The following OPCML variants were observed in gnomAD, a reference collection of about 807,000 sequenced individuals.
The protein encoded by OPCML is opioid-binding protein/cell adhesion molecule.
Under a neutral mutation model 37.8 loss-of-function variants are expected in OPCML, and 13 were observed. The observed-to-expected ratio is 0.34, with a 90% CI of 0.22 to 0.55. The LOEUF (loss-of-function observed/expected upper bound fraction) is 0.55, where lower values mean the gene tolerates loss of function less well. OPCML is among the 20% of genes least tolerant of loss of function. The pLI is 0.91. For missense variants in OPCML, 341 were observed against 435.6 expected, an observed-to-expected ratio of 0.78 and a Z score of 1.93; for synonymous variants, 176 against 168.8, an observed-to-expected ratio of 1.04 and a Z score of -0.33.
intron 2 of OPCML, among the ~76,000 whole-genome samples, chr11:132,773,828 T>C (rs994405697): frequency 3.3e-5 from 5 of 152,160 alleles, no homozygotes; most frequent in East Asian, 3.8e-4. Flanking sequence ...TTTCTGCATG[T>C]CCCACAATGG....
chr11:132,642,591 A>G (rs1940914617), intron 3 of OPCML, among the ~76,000 whole-genome samples: 1 of 152,330 alleles, frequency 6.6e-6, no homozygotes, highest in Non-Finnish European at 1.5e-5. Flanking sequence ...AAAGTTGCTG[A>G]ACCACCCTGG....
At position 132,868,876 on chromosome 11, in the gene OPCML, G is replaced by C. The variant is rs139764757; in HGVS notation, c.146+74050C>G. Among the ~76,000 whole-genome samples, 1,270 of 152,288 alleles carry C rather than the reference G, an allele frequency of 8.3e-3. 9 individuals are homozygous for C. Among genetic ancestry groups the C allele is most frequent in the Non-Finnish European group, 0.012 (807 of 68,032 alleles). ...TGCATGTGTCCATGCACAAGTGTGT[G>C]TGCTTGTGTATGCATACGTGAGTGC... On this transcript the variant is annotated intron_variant, in intron 2 of 7. Coordinates refer to ENST00000524381, the MANE Select transcript of OPCML (RefSeq NM_001012393.5).
chr11:132,628,117 C>T (rs1185140462), intron 3 of OPCML, among the ~76,000 whole-genome samples: 4 of 151,904 alleles, frequency 2.6e-5, no homozygotes, highest in African/African-American at 7.3e-5. Context: ...TGCAGAATTG[C>T]TGAGAGAGGA....
At chr11:133,008,259 T>G (rs1008229551) in intron 1 of OPCML, 3 of 985,400 alleles carry the variant, frequency 3.0e-6, no homozygotes, top group Non-Finnish European at 3.6e-6. Flanking sequence ...AGCAAGAAAT[T>G]GGGTGAATCA....
rs1261892789 is a variant in OPCML, at chr11:132,416,070, C to G, written c.*4123G>C. On this transcript the variant is annotated 3_prime_UTR_variant, in exon 8 of 8. Coordinates refer to ENST00000524381, the MANE Select transcript of OPCML (RefSeq NM_001012393.5). ...TATAAGAGTTTCCAAGATAAGGTCA[C>G]GTGCAAAATGAAAACAAAAGATTCT... The G allele has an allele frequency of 6.6e-6, 1 of 152,414 alleles. No homozygotes were observed. Among genetic ancestry groups the G allele is most frequent in the African/African-American group, 2.4e-5 (1 of 41,398 alleles). The allele number at this position is 152,414 out of a possible 1,614,324, so 9.4% of individuals were successfully genotyped here. A position where few individuals can be genotyped will look rare whatever the true frequency, so the allele number is the denominator to read the frequency against.
chr11:133,353,624 T>C (rs1211267474), intron 1 of OPCML, among the ~76,000 whole-genome samples: 1 of 152,162 alleles, frequency 6.6e-6, no homozygotes, highest in Non-Finnish European at 1.5e-5. Context: ...TCTAAGGAAA[T>C]CAGTAAGCTC....
chr11:133,013,586 C>T (rs1198568323), intron 1 of OPCML, among the ~76,000 whole-genome samples: 1 of 152,212 alleles, frequency 6.6e-6, no homozygotes. Flanking sequence ...AACCTCTCTT[C>T]TACCACTCTG....
At chr11:132,803,027 A>G (rs1472017716) in intron 2 of OPCML, among the ~76,000 whole-genome samples, 2 of 152,096 alleles carry the variant, frequency 1.3e-5, no homozygotes, top group Admixed American at 1.3e-4. Context: ...ACAAGCTCCC[A>G]CTCTAACAAG....
intron 4 of OPCML, among the ~76,000 whole-genome samples, chr11:132,458,749 T>G (rs564074934): frequency 1.3e-5 from 2 of 152,182 alleles, no homozygotes; most frequent in Admixed American, 6.5e-5. Context: ...AAAGACAGTT[T>G]TGACATTTTG....
intron 2 of OPCML, among the ~76,000 whole-genome samples, chr11:132,908,178 C>T (rs575667990): frequency 4.6e-5 from 7 of 152,226 alleles, no homozygotes; most frequent in South Asian, 2.1e-4. Context: ...CCATCAAATA[C>T]GGCCTGACTA....
chr11:132,602,830 TG>T (rs1938015370), intron 3 of OPCML, among the ~76,000 whole-genome samples: 1 of 152,206 alleles, frequency 6.6e-6, no homozygotes, highest in African/African-American at 2.4e-5. Flanking sequence ...GGGAACCACA[TG>T]GGGCCCAAGT....
chr11:132,970,945 A>G (rs1312764736), intron 1 of OPCML, among the ~76,000 whole-genome samples: 1 of 152,154 alleles, frequency 6.6e-6, no homozygotes, highest in Non-Finnish European at 1.5e-5. Flanking sequence ...TGCCAATTAA[A>G]CTGTGCATTG....
In OPCML at chr11:132,415,310, G is replaced by A. The variant is rs917558639; in HGVS notation, c.*4883C>T. The A allele has an allele frequency of 2.0e-5, 3 of 152,404 alleles. No homozygotes were observed. Among genetic ancestry groups the A allele is most frequent in the Admixed American group, 6.5e-5 (1 of 15,270 alleles). 9.4% of individuals were successfully genotyped at this position (152,404 alleles called of 1,614,324 possible). On this transcript the variant is annotated 3_prime_UTR_variant, in exon 8 of 8. Coordinates refer to ENST00000524381, the MANE Select transcript of OPCML (RefSeq NM_001012393.5). ...ACCCATTGTCTGACACAGCTATAAC[G>A]GCACCATTGATAAGTCATAATTTTT...
chr11:133,045,867 G>C (rs1200510380), intron 1 of OPCML, among the ~76,000 whole-genome samples: 5 of 152,176 alleles, frequency 3.3e-5, no homozygotes, highest in Non-Finnish European at 2.9e-5. Flanking sequence ...TTGCAAATTA[G>C]GGCACTGTGA....
intron 2 of OPCML, among the ~76,000 whole-genome samples, chr11:132,922,036 C>T (rs527436942): frequency 3.3e-5 from 5 of 151,910 alleles, no homozygotes; most frequent in Admixed American, 2.0e-4. Context: ...CCTGCCACTG[C>T]GCCCGGCTAA....
At chr11:133,272,252 TAAAAAA>T (rs544482291) in intron 1 of OPCML, among the ~76,000 whole-genome samples, 2,122 of 124,478 alleles carry the variant, frequency 0.017, 49 homozygotes, top group African/African-American at 0.058. Flanking sequence ...ATATTTGGAC[TAAAAAA>T]AAAAAAAAAA....
chr11:133,529,512 A>G (rs1428491966), intron 1 of OPCML, among the ~76,000 whole-genome samples: 3 of 152,202 alleles, frequency 2.0e-5, no homozygotes, highest in African/African-American at 7.2e-5. Context: ...CCACGTGGTG[A>G]CTGTCTTTTC....
intron 1 of OPCML, among the ~76,000 whole-genome samples, chr11:133,286,561 T>C (rs1211595504): frequency 6.6e-6 from 1 of 151,896 alleles, no homozygotes; most frequent in Non-Finnish European, 1.5e-5. Context: ...CACTGATTCA[T>C]TTGTGAATAT....
chr11:133,220,665 C>T (rs1008458118), intron 1 of OPCML, among the ~76,000 whole-genome samples: 2 of 152,182 alleles, frequency 1.3e-5, no homozygotes, highest in Admixed American at 1.3e-4. Flanking sequence ...GTCTTAAAAT[C>T]ACAGGTATGT....
Sources: gnomAD v4.1 joint callset for allele counts (sites outside exome capture counted in the v4.1 genomes callset) on GRCh38, gnomAD v4.1.1 for gene constraint, MANE v1.5 for transcripts, NCBI Gene and HGNC (gene_info 2026-07-23, HGNC 2026-07-21) for gene names.